MAP3K7: variants seen among roughly 807,000 people sequenced by gnomAD.
MAP3K7 encodes the protein mitogen-activated protein kinase kinase kinase 7.
A neutral mutation model predicts 84.8 loss-of-function variants in MAP3K7; 21 were observed. That is an observed-to-expected ratio of 0.25 (90% CI 0.18 to 0.36). MAP3K7 has a LOEUF of 0.36. Among genes scored for constraint, MAP3K7 ranks in the 10% least tolerant of loss-of-function variants. MAP3K7 has a pLI of 1.00. For synonymous variants in MAP3K7, 241 were observed against 247.7 expected, an observed-to-expected ratio of 0.97 and a Z score of 0.25; for missense variants, 503 against 747.7, an observed-to-expected ratio of 0.67 and a Z score of 3.82.
At chr6:90,557,869 T>C (rs1009992573) in intron 5 of MAP3K7, among the ~76,000 whole-genome samples, 2 of 152,176 alleles carry the variant, frequency 1.3e-5, no homozygotes, top group Non-Finnish European at 2.9e-5. Context: ...TAATTTCTAA[T>C]GTAAATGTGA....
chr6:90,541,687 A>G (rs1410863261), intron 12 of MAP3K7, among the ~76,000 whole-genome samples: 1 of 152,030 alleles, frequency 6.6e-6, no homozygotes, highest in African/African-American at 2.4e-5. Context: ...AGACTACTAA[A>G]TTGATAAATA....
rs555691541 is a variant in MAP3K7 at position 90,575,347 on chromosome 6, T to C, written c.121-3540A>G. On this transcript the variant is annotated intron_variant, in intron 1 of 16. Coordinates refer to ENST00000369329, the MANE Select transcript of MAP3K7 (RefSeq NM_145331.3). ...CTAATAAACTCCTCCCTCCCCCTTT[T>C]CAGGATAGGGTTAGGGTAGGGATTC... 2.0e-5 allele frequency among the ~76,000 whole-genome samples: 3 copies of C among 152,204 alleles called. No homozygotes were observed. The South Asian group carries it at 6.2e-4, about 32-fold the overall frequency.
At chr6:90,575,433 C>T (rs1224757688) in intron 1 of MAP3K7, among the ~76,000 whole-genome samples, 1 of 152,154 alleles carries the variant, frequency 6.6e-6, no homozygotes, top group African/African-American at 2.4e-5. Flanking sequence ...CAGGCATCCT[C>T]ACAGCATGTG....
intron 1 of MAP3K7, among the ~76,000 whole-genome samples, chr6:90,583,973 G>C (rs1777362296): frequency 6.6e-6 from 1 of 152,182 alleles, no homozygotes; most frequent in African/African-American, 2.4e-5. Context: ...TACAATATTA[G>C]AAATGCAAGA....
At chr6:90,530,268 G>T (rs981879884) in intron 13 of MAP3K7, among the ~76,000 whole-genome samples, 34 of 152,126 alleles carry the variant, frequency 2.2e-4, no homozygotes, top group Non-Finnish European at 4.1e-4. Flanking sequence ...AGTATCAGTT[G>T]TGAGAAATCA....
In MAP3K7 at chr6:90,557,275, C is replaced by T. The variant is rs12173848; in HGVS notation, c.483-651G>A. On this transcript the variant is annotated intron_variant, in intron 5 of 16. Coordinates refer to ENST00000369329, the MANE Select transcript of MAP3K7 (RefSeq NM_145331.3). ...ACAGTCACCAAGTAGCATACTCTTACTTACAAGGTTTTGCTTTTCATGACA... is the reference window on the plus strand; with the variant it reads ...ACAGTCACCAAGTAGCATACTCTTATTTACAAGGTTTTGCTTTTCATGACA... Among the ~76,000 whole-genome samples the T allele has an allele frequency of 1.5e-3, 222 of 152,270 alleles. 2 individuals carry two copies. In the East Asian group the frequency reaches 0.033, roughly 22 times the overall value.
chr6:90,575,440 T>G (rs932342304), intron 1 of MAP3K7, among the ~76,000 whole-genome samples: 3 of 152,138 alleles, frequency 2.0e-5, no homozygotes, highest in African/African-American at 7.2e-5. Context: ...CCTCACAGCA[T>G]GTGCTCTGCA....
rs769922850 is a variant in MAP3K7 at position 90,548,093 on chromosome 6, A to G, written c.1034T>C (p.Ile345Thr). ...CAACAATTTTGATTCTAAGCGCTTA[A>G]TAGTATCATTTGTGGCAGGAACTTG... Reference protein sequence around the residue: ...MEQVPATNDTIKRLESKLLKN... With the variant: ...MEQVPATNDTTKRLESKLLKN... Residue 345 changes from isoleucine to threonine, a missense_variant, in exon 10 of 17, where the codon ATT becomes ACT. Ile to Thr is a moderately conservative substitution (Grantham distance 89). Around this residue, in one of 5 missense-constraint regions of MAP3K7, gnomAD observed 286 missense variants for 313.6 expected, o/e 0.91. Transcript: ENST00000369329. 5.6e-6 allele frequency: 9 copies of G among 1,612,300 alleles called. No individual in the cohort carries two copies. The South Asian group carries it at 9.9e-5, about 18-fold the overall frequency.
intron 14 of MAP3K7, 83 bp from the exon 15 acceptor site, chr6:90,519,402 T>TAGGGAAAATGGAATGC: frequency 1.2e-6 from 1 of 856,000 alleles, no homozygotes; most frequent in Non-Finnish European, 1.8e-6. Flanking sequence ...TGAAATGCTT[T>TAGGGAAAATGGAATGC]TTTTCCCTAA....
At chr6:90,537,194 A>C (rs985388732) in intron 12 of MAP3K7, 1 of 152,082 alleles carries the variant, frequency 6.6e-6, no homozygotes, top group African/African-American at 2.4e-5. Context: ...AGTATCTTCT[A>C]ACGTGAGAGA....
intron 13 of MAP3K7, among the ~76,000 whole-genome samples, chr6:90,532,749 A>G (rs566409434): frequency 1.3e-5 from 2 of 152,356 alleles, no homozygotes; most frequent in East Asian, 3.9e-4. Context: ...AAATTTGTGC[A>G]GTCATTGGTA....
chr6:90,558,527 T>C (rs1776408288), intron 5 of MAP3K7, among the ~76,000 whole-genome samples: 1 of 152,038 alleles, frequency 6.6e-6, no homozygotes, highest in South Asian at 2.1e-4. Context: ...AATCCAATCA[T>C]GGAGAGGCCT....
chr6:90,553,390 G>T, intron 7 of MAP3K7, 68 bp downstream of exon 7: 1 of 1,382,870 alleles, frequency 7.2e-7, no homozygotes, highest in Non-Finnish European at 1.0e-6. Flanking sequence ...TTTAGGGAAG[G>T]GGACAGGAGT....
intron 1 of MAP3K7, among the ~76,000 whole-genome samples, chr6:90,583,430 T>C (rs1363732909): frequency 1.3e-5 from 2 of 152,346 alleles, no homozygotes; most frequent in African/African-American, 4.8e-5. Flanking sequence ...ATGCGGCTTC[T>C]GGCAAGTCAA....
chr6:90,549,694 C>T (rs1187316497), intron 9 of MAP3K7, among the ~76,000 whole-genome samples: 1 of 152,018 alleles, frequency 6.6e-6, no homozygotes. Context: ...GTGGGAGACA[C>T]AAATGATAGA....
Position 90,547,422 on chromosome 6 carries a change from G to T in MAP3K7, c.1081-35C>A, listed in dbSNP as rs974316624. On this transcript the variant is annotated intron_variant, in intron 10 of 16. Coordinates refer to ENST00000369329, the MANE Select transcript of MAP3K7 (RefSeq NM_145331.3). ...TTACAGGTCAATCTGAATTACTGAAGTTCTTTAGATTTAGCAATCTTAGGC... is the reference window on the plus strand; with the variant it reads ...TTACAGGTCAATCTGAATTACTGAATTTCTTTAGATTTAGCAATCTTAGGC... 3 of 1,602,686 alleles carry T rather than the reference G, an allele frequency of 1.9e-6. No individual in the cohort carries two copies. The East Asian group carries it at 6.7e-5, about 36-fold the overall frequency.
chr6:90,550,130 T>C (rs1776134336), intron 9 of MAP3K7, among the ~76,000 whole-genome samples: 1 of 152,170 alleles, frequency 6.6e-6, no homozygotes, highest in Admixed American at 6.5e-5. Flanking sequence ...AATGTTTAAA[T>C]ACATTTACAA....
chr6:90,584,180 T>C lies in MAP3K7; in HGVS notation c.120+2584A>G, dbSNP rs1306430644. ...TATTGGAAGCAACATAAAATAGTTT[T>C]TGTTTCTGGTCATCTTCCTCTGTTT... On this transcript the variant is annotated intron_variant, in intron 1 of 16. Coordinates refer to ENST00000369329, the MANE Select transcript of MAP3K7 (RefSeq NM_145331.3). Among the ~76,000 whole-genome samples the C allele has an allele frequency of 2.6e-5, 4 of 152,322 alleles. No individual in the cohort carries two copies. The East Asian group carries it at 7.7e-4, about 29-fold the overall frequency.
At chr6:90,569,117 G>A (rs947936681) in intron 2 of MAP3K7, among the ~76,000 whole-genome samples, 7 of 152,094 alleles carry the variant, frequency 4.6e-5, no homozygotes, top group African/African-American at 1.2e-4. Flanking sequence ...TCACAACTCC[G>A]CAAGGTAGGT....
Sources: allele counts gnomAD v4.1 joint callset (sites outside exome capture counted in the v4.1 genomes callset), GRCh38; gene constraint gnomAD v4.1.1; regional missense constraint gnomAD v4.1.1; transcripts MANE v1.5; gene names NCBI Gene and HGNC (gene_info 2026-07-23, HGNC 2026-07-21).